Variants in CARM1 observed in about 807,000 individuals in gnomAD.
CARM1 encodes the protein histone-arginine methyltransferase CARM1.
Under a neutral mutation model 72.7 loss-of-function variants are expected in CARM1, and 14 were observed. The ratio of observed to expected loss-of-function variants is 0.19; its 90% CI spans 0.13 to 0.30. CARM1 has a LOEUF of 0.30. Ranked by LOEUF, CARM1 falls within the 10% of genes least tolerant of loss-of-function variation. The pLI is 1.00. For missense variants in CARM1, 432 were observed against 833.7 expected, an observed-to-expected ratio of 0.52 and a Z score of 5.93; for synonymous variants, 333 against 345.5, an observed-to-expected ratio of 0.96 and a Z score of 0.40.
In CARM1 at chr19:10,908,069, C is replaced by A. The variant is rs948183038; in HGVS notation, c.377C>A (p.Thr126Asn). The change falls in exon 3 of 16, where the codon ACC becomes AAC. Residue 126 changes from threonine (T) to asparagine (N), a missense_variant. Around this residue, in one of 3 missense-constraint regions of CARM1, gnomAD observed 138 missense variants for 192.3 expected, o/e 0.72. Coordinates refer to ENST00000327064, the MANE Select transcript of CARM1 (RefSeq NM_199141.2). ...TGTTCCTTCTACAACATCCTGAAAACCTGCCGGGGCCACACCCTGGAGCGG... is the reference window on the plus strand; with the variant it reads ...TGTTCCTTCTACAACATCCTGAAAAACTGCCGGGGCCACACCCTGGAGCGG... ...DFCSFYNILK[T>N]CRGHTLERSV... 1 of 1,614,072 alleles carries A rather than the reference C, an allele frequency of 6.2e-7. No homozygotes were observed. Among genetic ancestry groups the A allele is most frequent in the Non-Finnish European group, 8.5e-7 (1 of 1,179,938 alleles).
Position 10,871,887 on chromosome 19 carries a change from C to T in CARM1, c.185C>T (p.Ala62Val), listed in dbSNP as rs1044184881. Residue 62 changes from alanine to valine, a missense_variant, in exon 1 of 16, where the codon GCC becomes GTC. Coordinates refer to ENST00000327064, the MANE Select transcript of CARM1 (RefSeq NM_199141.2). This position sits in a 1 kb window ranked among gnomAD's most constrained non-coding sequence, Gnocchi z 5.6. The part of the protein sequence containing the change: ...EQQALRLEVR[A>V]GPDSAGIALY... ...CAGGCGCTGCGCCTCGAGGTGCGCG[C>T]CGGCCCGGACTCGGCGGGCATCGCC... 4 of 1,242,086 alleles carry T rather than the reference C, an allele frequency of 3.2e-6. No homozygotes were observed. Among genetic ancestry groups the T allele is most frequent in the South Asian group, 2.6e-5 (1 of 38,456 alleles). The allele number at this position is 1,242,086 out of a possible 1,614,324, so 76.9% of individuals were successfully genotyped here.
chr19:10,887,547 C>T (rs772541310), intron 1 of CARM1, among the ~76,000 whole-genome samples: 84 of 152,242 alleles, frequency 5.5e-4, no homozygotes, highest in Middle Eastern at 3.4e-3. Context: ...GCTTTGTGGC[C>T]CAGGACATCC....
At chr19:10,921,588 C>T (rs1214914089) in intron 15 of CARM1, 27 bp from the exon 16 acceptor site, 8 of 1,596,512 alleles carry the variant, frequency 5.0e-6, no homozygotes, top group Non-Finnish European at 6.8e-6. Flanking sequence ...CCAGGGCAGC[C>T]CCTCACTGCC....
In CARM1 at chr19:10,916,595, G is replaced by C; in HGVS notation, c.938+98G>C. 1 of 1,397,136 alleles carries C rather than the reference G, an allele frequency of 7.2e-7. No homozygotes were observed. The highest frequency in any genetic ancestry group is 1.2e-5 in the South Asian group (1 of 82,494). The allele number at this position is 1,397,136 out of a possible 1,614,324, so 86.5% of individuals were successfully genotyped here. On this transcript the variant is annotated intron_variant, in intron 7 of 15. Transcript: ENST00000327064. The surrounding 1 kb of genome is among the most constrained non-coding windows in gnomAD (Gnocchi z 4.4). ...AGCCTGCACTCCTCTTTTTCTGAAA[G>C]ACTTGGGCTAGATGAGGGCTGACTG...
Position 10,880,366 on chromosome 19 carries a change from G to A in CARM1, c.220+8444G>A, listed in dbSNP as rs992845222. Among the ~76,000 whole-genome samples, 4 of 151,948 alleles carry A rather than the reference G, an allele frequency of 2.6e-5. No homozygotes were observed. In the South Asian group the frequency reaches 8.3e-4, roughly 32 times the overall value. ...GGATTTTTTTTTCTTCTTTTTTTGA[G>A]ACAGGGTCTTGCTGTGTCACCCAGG... On this transcript the variant is annotated intron_variant, in intron 1 of 15. Coordinates refer to ENST00000327064, the MANE Select transcript of CARM1 (RefSeq NM_199141.2).
At chr19:10,909,643 A>G (rs754872768) in intron 4 of CARM1, among the ~76,000 whole-genome samples, 9 of 152,134 alleles carry the variant, frequency 5.9e-5, no homozygotes, top group Non-Finnish European at 1.3e-4. Context: ...AGGCTGAGGC[A>G]GGTGAATGGC....
rs2074193620 is a variant in CARM1, at chr19:10,916,024, G to C, written c.848-383G>C. Among the ~76,000 whole-genome samples, 1 of 152,240 alleles carries C rather than the reference G, an allele frequency of 6.6e-6. No individual in the cohort carries two copies. Among genetic ancestry groups the C allele is most frequent in the Non-Finnish European group, 1.5e-5 (1 of 68,036 alleles). On this transcript the variant is annotated intron_variant, in intron 6 of 15. Transcript: ENST00000327064. This position sits in a 1 kb window ranked among gnomAD's most constrained non-coding sequence, Gnocchi z 4.4. The stretch of plus-strand genomic sequence containing the variant: ...CCCTCCCTCTGTCCAGAGCAACTTT[G>C]CTATGCTTTCCCGGCTGCACACATG...
At chr19:10,906,048 A>G (rs1476779368) in intron 2 of CARM1, among the ~76,000 whole-genome samples, 1 of 143,982 alleles carries the variant, frequency 6.9e-6, no homozygotes, top group Non-Finnish European at 1.5e-5. Context: ...TCCCGGGTTC[A>G]AGGCGATTCT....
At chr19:10,902,010 G>A (rs543298693) in intron 1 of CARM1, among the ~76,000 whole-genome samples, 3 of 152,170 alleles carry the variant, frequency 2.0e-5, no homozygotes, top group South Asian at 4.1e-4. Context: ...TTGGGACGCC[G>A]AGGCAGACAG....
chr19:10,888,610 G>A (rs1401145373), intron 1 of CARM1, among the ~76,000 whole-genome samples: 2 of 152,104 alleles, frequency 1.3e-5, no homozygotes, highest in African/African-American at 4.8e-5. Flanking sequence ...GCTGGTGCAG[G>A]CCGGTTTTGT....
intron 1 of CARM1, among the ~76,000 whole-genome samples, chr19:10,895,182 G>T (rs1364544532): frequency 6.6e-6 from 1 of 152,098 alleles, no homozygotes; most frequent in African/African-American, 2.4e-5. Context: ...TCTGCTCACT[G>T]CAACCTCCGC....
At chr19:10,921,254 C>G in intron 14 of CARM1, 121 bp from the exon 15 acceptor site, 1 of 1,432,486 alleles carries the variant, frequency 7.0e-7, no homozygotes, top group East Asian at 2.3e-5. Flanking sequence ...TTCCTGGGGG[C>G]TCTCGGCCGA....
intron 1 of CARM1, among the ~76,000 whole-genome samples, chr19:10,876,104 C>T (rs2073862458): frequency 6.6e-6 from 1 of 151,950 alleles, no homozygotes; most frequent in African/African-American, 2.4e-5. Context: ...GTCTCGAACT[C>T]CTGACCTCAG....
chr19:10,875,926 G>T (rs1243763119), intron 1 of CARM1, among the ~76,000 whole-genome samples: 3 of 150,796 alleles, frequency 2.0e-5, no homozygotes, highest in African/African-American at 4.9e-5. Context: ...GAGTGCAATG[G>T]CGTGATCTCG....
chr19:10,876,672 C>A (rs1240282478), intron 1 of CARM1, among the ~76,000 whole-genome samples: 1 of 152,282 alleles, frequency 6.6e-6, no homozygotes, highest in African/African-American at 2.4e-5. Context: ...CAACTACCAA[C>A]ACCAGGCCAT....
intron 4 of CARM1, among the ~76,000 whole-genome samples, chr19:10,911,945 G>A (rs886995610): frequency 2.0e-5 from 3 of 152,196 alleles, no homozygotes; most frequent in African/African-American, 2.4e-5. Context: ...CAGACGATCC[G>A]GAGGCCTGCA....
At chr19:10,882,997 C>T (rs1307968466) in intron 1 of CARM1, among the ~76,000 whole-genome samples, 1 of 152,066 alleles carries the variant, frequency 6.6e-6, no homozygotes, top group East Asian at 1.9e-4. Context: ...GGAGGGGGAC[C>T]CAGGGGCCTG....
Position 10,923,007 on chromosome 19 carries a change from G to A in CARM1, c.*1250G>A, listed in dbSNP as rs182980730. 14 of 299,620 alleles carry A rather than the reference G, an allele frequency of 4.7e-5. No homozygotes were observed. Among genetic ancestry groups the A allele is most frequent in the Non-Finnish European group, 6.7e-5 (11 of 163,084 alleles). The allele number at this position is 299,620 out of a possible 1,614,324, so 18.6% of individuals were successfully genotyped here. Reference sequence around the variant, plus strand: ...AAAGCTCCCTGCTCGGCTGCCCCTCGCCCGCCTTTATATAAATTCTCTGAA... The same window carrying A: ...AAAGCTCCCTGCTCGGCTGCCCCTCACCCGCCTTTATATAAATTCTCTGAA... On this transcript the variant is annotated 3_prime_UTR_variant, in exon 16 of 16. Transcript: ENST00000327064.
At chr19:10,876,554 G>C (rs2073866297) in intron 1 of CARM1, among the ~76,000 whole-genome samples, 1 of 152,256 alleles carries the variant, frequency 6.6e-6, no homozygotes, top group Admixed American at 6.5e-5. Context: ...ACCCTCCAGG[G>C]GAAGGATGAC....
Sources: gnomAD v4.1 joint callset for allele counts (sites outside exome capture counted in the v4.1 genomes callset) on GRCh38, gnomAD v4.1.1 for gene constraint, gnomAD v4.1.1 regional missense constraint, Gnocchi (gnomAD v3.1) non-coding constraint, MANE v1.5 for transcripts, NCBI Gene and HGNC (gene_info 2026-07-23, HGNC 2026-07-21) for gene names.